Variants in AMBN observed in about 807,000 individuals in gnomAD.
The protein encoded by AMBN is enamel matrix protein.
Under a neutral mutation model 48.0 loss-of-function variants are expected in AMBN, and 54 were observed. The ratio of observed to expected loss-of-function variants is 1.12; its 90% CI spans 0.90 to 1.41. AMBN has a LOEUF of 1.41. Ranked by LOEUF, AMBN falls within the 40% of genes most tolerant of loss-of-function variation. The pLI is 0.00. For missense variants in AMBN, 571 were observed against 547.3 expected, an observed-to-expected ratio of 1.04 and a Z score of -0.43; for synonymous variants, 186 against 190.0, an observed-to-expected ratio of 0.98 and a Z score of 0.17.
chr4:70,596,889 TGGTG>T (rs1404455936), intron 2 of AMBN, 106 bp from the exon 3 acceptor site: 1 of 774,410 alleles, frequency 1.3e-6, no homozygotes, highest in Non-Finnish European at 2.0e-6. Flanking sequence ...TAAACCAAAA[TGGTG>T]GCCTCTCAGG....
At position 70,604,898 on chromosome 4, in the gene AMBN, C is replaced by T. The variant is rs1577957864; in HGVS notation, c.798+977C>T. ...GTCGCAGCTACTCAGGAGGCTGAGG[C>T]AGGAGAATCACTCGAAACTGGGAGG... On this transcript the variant is annotated intron_variant, in intron 12 of 12. Transcript: ENST00000322937. 2.0e-5 allele frequency among the ~76,000 whole-genome samples: 3 copies of T among 151,606 alleles called. No homozygotes were observed. In the East Asian group the frequency reaches 5.8e-4, roughly 29 times the overall value.
At chr4:70,600,626 G>T (rs1041351841) in intron 5 of AMBN, among the ~76,000 whole-genome samples, 9 of 152,182 alleles carry the variant, frequency 5.9e-5, no homozygotes, top group African/African-American at 2.2e-4. Context: ...AGACTTCCTT[G>T]CTGGTCTGAG....
chr4:70,602,847 A>C lies in AMBN; in HGVS notation c.609+11A>C, dbSNP rs1328408575. The C allele has an allele frequency of 1.3e-6, 2 of 1,586,298 alleles. No homozygotes were observed. Among genetic ancestry groups the C allele is most frequent in the Non-Finnish European group, 1.7e-6 (2 of 1,164,018 alleles). ...CCACAAGGTCCATCAGTAAGTACAG[A>C]TCTCAGTGAGACACTTCTATTTTTT... On this transcript the variant is annotated intron_variant, in intron 8 of 12. Coordinates refer to ENST00000322937, the MANE Select transcript of AMBN (RefSeq NM_016519.6).
At chr4:70,599,402 C>T (rs1204415917) in intron 4 of AMBN, 134 bp from the exon 5 acceptor site, 1 of 586,192 alleles carries the variant, frequency 1.7e-6, no homozygotes, top group Non-Finnish European at 2.8e-6. Context: ...GATTGCGCCA[C>T]TGCACTCCAG....
intron 12 of AMBN, among the ~76,000 whole-genome samples, chr4:70,604,992 TAAA>T (rs67400307): frequency 0.58 from 84,638 of 145,078 alleles, 24,266 homozygotes; most frequent in Admixed American, 0.63. Flanking sequence ...GACCCTGCCT[TAAA>T]AAAAAAAAAA....
intron 3 of AMBN, among the ~76,000 whole-genome samples, chr4:70,598,153 G>A (rs1436695400): frequency 6.6e-6 from 1 of 152,090 alleles, no homozygotes; most frequent in Non-Finnish European, 1.5e-5. Flanking sequence ...AAAAGCAACT[G>A]CATTATTTTA....
intron 2 of AMBN, 46 bp downstream of exon 2, chr4:70,593,441 C>T (rs377394491): frequency 7.1e-5 from 107 of 1,497,428 alleles, no homozygotes; most frequent in Admixed American, 5.1e-5. Context: ...TATTGATTGT[C>T]GAACTCCAAA....
chr4:70,606,646 A>C lies in AMBN; in HGVS notation c.1260A>C (p.Pro420=), dbSNP rs754569842. The C allele has an allele frequency of 6.2e-6, 10 of 1,613,978 alleles. No homozygotes were observed. Among genetic ancestry groups the C allele is most frequent in the Non-Finnish European group, 8.5e-6 (10 of 1,179,998 alleles). Residue 420 remains proline (P), a synonymous_variant, in exon 13 of 13, where the codon CCA becomes CCC. Transcript: ENST00000322937. ...EEATMDTTMA[P]NSLQTSMPGN... Reference sequence around the variant, plus strand: ...CAACCATGGATACCACGATGGCCCCAAACTCTCTGCAAACATCCATGCCAG... The same window carrying C: ...CAACCATGGATACCACGATGGCCCCCAACTCTCTGCAAACATCCATGCCAG...
intron 4 of AMBN, 29 bp downstream of exon 4, chr4:70,598,432 A>C (rs201644638): frequency 6.4e-7 from 1 of 1,555,710 alleles, no homozygotes; most frequent in East Asian, 2.3e-5. Flanking sequence ...GCAAGTATTC[A>C]TGGTGGTGGT....
Position 70,606,214 on chromosome 4 carries a change from A to G in AMBN, c.828A>G (p.Gly276=). The change falls in exon 13 of 13, where the codon GGA becomes GGG. Residue 276 remains glycine (G), a synonymous_variant. Transcript: ENST00000322937. ...AGGREDPMAY[G]AMFPGFGGMR... ...GGAGAGAAGACCCAATGGCCTATGG[A>G]GCCATGTTTCCAGGATTTGGAGGCA... The G allele has an allele frequency of 6.2e-7, 1 of 1,613,958 alleles. No individual in the cohort carries two copies. The highest frequency in any genetic ancestry group is 8.5e-7 in the Non-Finnish European group (1 of 1,179,954).
rs370911623 is a variant in AMBN, at chr4:70,594,647, T to C, written c.84+1252T>C. Among the ~76,000 whole-genome samples the C allele has an allele frequency of 7.2e-4, 109 of 152,238 alleles. 2 individuals carry two copies. The South Asian group carries it at 0.02, about 28-fold the overall frequency. ...ACCTTAATTCCACAAATAAAAATAG[T>C]CTCTGTTCCATCACGCAAGATGAAT... is the stretch of plus-strand genomic sequence containing the variant. On this transcript the variant is annotated intron_variant, in intron 2 of 12. Transcript: ENST00000322937.
At chr4:70,604,863 C>T (rs185058170) in intron 12 of AMBN, among the ~76,000 whole-genome samples, 403 of 152,074 alleles carry the variant, frequency 2.7e-3, no homozygotes, top group Non-Finnish European at 4.4e-3. Context: ...TTTAGTGGCG[C>T]GAGCCTGTAG....
At chr4:70,596,891 G>A in intron 2 of AMBN, 108 bp from the exon 3 acceptor site, 1 of 788,458 alleles carries the variant, frequency 1.3e-6, no homozygotes, top group Non-Finnish European at 2.0e-6. Flanking sequence ...AACCAAAATG[G>A]TGGCCTCTCA....
chr4:70,593,600 C>T (rs1447363880), intron 2 of AMBN, among the ~76,000 whole-genome samples: 8 of 152,130 alleles, frequency 5.3e-5, no homozygotes, highest in Non-Finnish European at 1.2e-4. Context: ...TGCGGTGGCT[C>T]ACGCCTGTAA....
At chr4:70,597,725 T>C (rs28451259) in intron 3 of AMBN, among the ~76,000 whole-genome samples, 84,874 of 151,850 alleles carry the variant, frequency 0.56, 24,955 homozygotes, top group African/African-American at 0.74. Flanking sequence ...TAGACGCTTA[T>C]TTCACATGGA....
rs1230189015 is a variant in AMBN at position 70,593,361 on chromosome 4, T to A, written c.50T>A (p.Ile17Asn). 2.5e-6 allele frequency: 4 copies of A among 1,612,728 alleles called. No homozygotes were observed. In the East Asian group the frequency reaches 8.9e-5, roughly 36 times the overall value. Residue 17 changes from isoleucine (I) to asparagine (N), a missense_variant, in exon 2 of 13, where the codon ATC (isoleucine) becomes AAC (asparagine). Transcript: ENST00000322937. ...TTCAAAATGAAGGACCTGATACTGA[T>A]CCTATGCCTCCTGGAAATGAGTTTT... ...PLFKMKDLIL[I>N]LCLLEMSFAV...
Position 70,598,410 on chromosome 4 carries a change from A to T in AMBN, c.183+7A>T. The stretch of plus-strand genomic sequence containing the variant: ...ATTAAACACACTTTCTCAGGTAATC[A>T]TATTTCTTATTGCAAGTATTCATGG... On this transcript the variant is annotated splice_region_variant and intron_variant, in intron 4 of 12. Transcript: ENST00000322937. 1 of 1,583,870 alleles carries T rather than the reference A, an allele frequency of 6.3e-7. No homozygotes were observed. Among genetic ancestry groups the T allele is most frequent in the Non-Finnish European group, 8.6e-7 (1 of 1,164,434 alleles).
intron 5 of AMBN, among the ~76,000 whole-genome samples, chr4:70,601,177 T>C (rs1737511640): frequency 6.6e-6 from 1 of 151,834 alleles, no homozygotes; most frequent in Non-Finnish European, 1.5e-5. Flanking sequence ...TACCAGGAGG[T>C]TCATGTAGCT....
chr4:70,597,085 A>ACATT, intron 3 of AMBN, 36 bp downstream of exon 3: 1 of 1,564,418 alleles, frequency 6.4e-7, no homozygotes, highest in South Asian at 1.1e-5. Flanking sequence ...TATTAACTTT[A>ACATT]CATTGGTATA....
Sources: gnomAD v4.1 joint callset for allele counts (sites outside exome capture counted in the v4.1 genomes callset) on GRCh38, gnomAD v4.1.1 for gene constraint, MANE v1.5 for transcripts, NCBI Gene and HGNC (gene_info 2026-07-23, HGNC 2026-07-21) for gene names.